KIF27: variants seen among roughly 807,000 people sequenced by gnomAD.
KIF27 encodes the protein kinesin-like protein KIF27.
Under a neutral mutation model 141.8 loss-of-function variants are expected in KIF27, and 84 were observed. The ratio of observed to expected loss-of-function variants is 0.59; its 90% CI spans 0.50 to 0.71. The LOEUF is 0.71. KIF27 is among the 30% of genes least tolerant of loss of function. KIF27 has a pLI of 0.00. For synonymous variants in KIF27, 471 were observed against 569.5 expected (o/e 0.83, Z 2.46); for missense variants, 1,306 against 1,628.4 (o/e 0.80, Z 3.41).
chr9:83,902,709 G>C (rs1279144691), intron 4 of KIF27, among the ~76,000 whole-genome samples: 1 of 151,666 alleles, frequency 6.6e-6, no homozygotes. Flanking sequence ...TTGACAACCA[G>C]GTCCACAAAG....
At chr9:83,896,071 A>AAAAAC (rs1257498323) in intron 5 of KIF27, among the ~76,000 whole-genome samples, 2 of 142,812 alleles carry the variant, frequency 1.4e-5, no homozygotes, top group African/African-American at 5.3e-5. Context: ...AAAAAAAAAA[A>AAAAAC]AAAACAAAAC....
At chr9:83,885,857 A>G (rs889598955) in intron 9 of KIF27, among the ~76,000 whole-genome samples, 3 of 152,020 alleles carry the variant, frequency 2.0e-5, no homozygotes, top group African/African-American at 7.2e-5. Flanking sequence ...AATATAGTAT[A>G]GATGTCCTGT....
Position 83,889,239 on chromosome 9 carries a change from C to T in KIF27, c.1824G>A (p.Pro608=), listed in dbSNP as rs765108409. Residue 608 remains proline (P), a synonymous_variant, in exon 7 of 18, where the codon CCG becomes CCA. Transcript: ENST00000297814. The part of the protein sequence containing the change: ...RQDSRKVHTS[P]PMYSLDRIFA... ...ATATTCGATCCAGAGAGTACATAGG[C>T]GGACTTGTGTGGACCTTGCAAGTGA... is the stretch of plus-strand genomic sequence containing the variant. 2.4e-5 allele frequency: 38 copies of T among 1,610,144 alleles called. No homozygotes were observed. The highest frequency in any genetic ancestry group is 2.2e-4 in the Admixed American group (13 of 59,726).
Position 83,903,713 on chromosome 9 carries a change from T to C in KIF27, c.805A>G (p.Ser269Gly). The change falls in exon 4 of 18, where the codon AGT becomes GGT. Residue 269 changes from serine to glycine, a missense_variant. Coordinates refer to ENST00000297814, the MANE Select transcript of KIF27 (RefSeq NM_017576.4). Reference protein sequence around the residue: ...ERFKESIQINSGLLALGNVIS... With the variant: ...ERFKESIQINGGLLALGNVIS... Reference sequence around the variant, plus strand: ...ACATTTCCTAAAGCCAGCAATCCACTATTGATTTGAATGGATTCTTTGAAC... The same window carrying C: ...ACATTTCCTAAAGCCAGCAATCCACCATTGATTTGAATGGATTCTTTGAAC... 1.2e-6 allele frequency: 2 copies of C among 1,614,184 alleles called. No individual in the cohort carries two copies. The highest frequency in any genetic ancestry group is 1.7e-6 in the Non-Finnish European group (2 of 1,180,032).
chr9:83,903,556 G>A lies in KIF27; in HGVS notation c.962C>T (p.Ser321Phe), dbSNP rs116477156. The change falls in exon 4 of 18, where the codon TCC becomes TTC. Residue 321 changes from serine to phenylalanine, a missense_variant. By Grantham distance (155) the Ser-to-Phe change is radical. This residue lies in a region of KIF27 where 533 missense variants were observed against 565.6 expected (regional missense o/e 0.94). Transcript: ENST00000297814. ...KTVMITCVSP[S>F]SSNFDESLNS... ...TAAGGACTCATCAAAATTCGAGGAG[G>A]AGGGGCTGACACATGTGATCATGAC... 1,700 of 1,614,180 alleles carry A rather than the reference G, an allele frequency of 1.1e-3. 23 individuals are homozygous for A. The African/African-American group carries it at 0.02, about 19-fold the overall frequency.
rs1185384059 is a variant in KIF27, at chr9:83,836,494, G to A, written c.*507C>T. 6.6e-6 allele frequency among the ~76,000 whole-genome samples: 1 copy of A among 152,078 alleles called. No homozygotes were observed. The highest frequency in any genetic ancestry group is 2.4e-5 in the African/African-American group (1 of 41,394). On this transcript the variant is annotated 3_prime_UTR_variant, in exon 18 of 18. Transcript: ENST00000297814. ...ACCGTTTCTGTGAGTTCTGAGGACTGTAAATGAGCCTCAATCCATAAAGCT... is the reference window on the plus strand; with the variant it reads ...ACCGTTTCTGTGAGTTCTGAGGACTATAAATGAGCCTCAATCCATAAAGCT...
chr9:83,920,970 T>C (rs1257029648), intron 1 of KIF27, among the ~76,000 whole-genome samples: 2 of 152,028 alleles, frequency 1.3e-5, no homozygotes, highest in African/African-American at 2.4e-5. Flanking sequence ...TCGGTGGTGG[T>C]GGCCCTCGCG....
At chr9:83,852,887 G>A (rs1228725896) in intron 15 of KIF27, among the ~76,000 whole-genome samples, 1 of 152,172 alleles carries the variant, frequency 6.6e-6, no homozygotes, top group Non-Finnish European at 1.5e-5. Context: ...TTACAGGCAT[G>A]AGCCACTGCA....
intron 16 of KIF27, among the ~76,000 whole-genome samples, chr9:83,848,100 A>ATGATATATCATATCTGATATATC (rs1564283550): frequency 2.4e-5 from 1 of 42,508 alleles, no homozygotes; most frequent in African/African-American, 1.8e-4. Flanking sequence ...TATGATATAT[A>ATGATATATCATATCTGATATATC]TGATATCTCA....
Position 83,891,350 on chromosome 9 carries a change from A to G in KIF27, c.1754T>C (p.Phe585Ser), listed in dbSNP as rs749034071. The G allele has an allele frequency of 1.2e-6, 2 of 1,613,720 alleles. No homozygotes were observed. The highest frequency in any genetic ancestry group is 2.2e-5 in the East Asian group (1 of 44,848). ...IPERRPYTVPFDTHLGHYIYI... is the reference protein window; with the variant it reads ...IPERRPYTVPSDTHLGHYIYI... ...AATATAATGCCCCAAATGAGTATCA[A>G]ATGGTACAGTATATGGTCTCCTTTC... The change falls in exon 6 of 18, where the codon TTT (phenylalanine) becomes TCT (serine). Residue 585 changes from phenylalanine to serine, a missense_variant. Phe to Ser is a radical substitution (Grantham distance 155). Coordinates refer to ENST00000297814, the MANE Select transcript of KIF27 (RefSeq NM_017576.4).
At chr9:83,910,366 T>C (rs905248125) in intron 2 of KIF27, among the ~76,000 whole-genome samples, 2 of 152,224 alleles carry the variant, frequency 1.3e-5, no homozygotes, top group African/African-American at 4.8e-5. Context: ...TGCACTAAAA[T>C]ATCTTTCTCT....
chr9:83,920,828 C>T (rs1588370366), intron 1 of KIF27, among the ~76,000 whole-genome samples: 1 of 151,836 alleles, frequency 6.6e-6, no homozygotes, highest in Admixed American at 6.6e-5. Context: ...TCAACCTCTA[C>T]GGTAGGAAAT....
At chr9:83,845,365 C>T (rs549963227) in intron 16 of KIF27, among the ~76,000 whole-genome samples, 2 of 152,238 alleles carry the variant, frequency 1.3e-5, no homozygotes, top group African/African-American at 2.4e-5. Flanking sequence ...AGCAGCATTC[C>T]ATCATCAAAT....
intron 2 of KIF27, among the ~76,000 whole-genome samples, chr9:83,909,611 C>CAAA (rs535947964): frequency 0.013 from 914 of 70,448 alleles, 10 homozygotes; most frequent in African/African-American, 0.044. Flanking sequence ...GAAACTGTCT[C>CAAA]AAAAAAAAAA....
Position 83,873,549 on chromosome 9 carries a change from T to G in KIF27, c.2644-2917A>C, listed in dbSNP as rs1432918716. 4.6e-5 allele frequency among the ~76,000 whole-genome samples: 7 copies of G among 152,110 alleles called. No homozygotes were observed. The East Asian group carries it at 1.3e-3, about 29-fold the overall frequency. On this transcript the variant is annotated intron_variant, in intron 11 of 17. Coordinates refer to ENST00000297814, the MANE Select transcript of KIF27 (RefSeq NM_017576.4). ...AAGAAGACAGGTGCTATAGACTAAA[T>G]AAAGAAAAATGTTACACCCATCTGA...
chr9:83,861,590 T>C (rs1469272042), intron 13 of KIF27, among the ~76,000 whole-genome samples: 4 of 152,158 alleles, frequency 2.6e-5, no homozygotes, highest in African/African-American at 4.8e-5. Context: ...TGTTGGACAT[T>C]TGGGTTGGTT....
intron 17 of KIF27, among the ~76,000 whole-genome samples, chr9:83,838,422 A>T (rs1180910477): frequency 6.6e-6 from 1 of 152,070 alleles, no homozygotes; most frequent in Non-Finnish European, 1.5e-5. Context: ...TTTAGTAGAG[A>T]TGGGGTTTCA....
chr9:83,861,549 T>C (rs1302357085), intron 13 of KIF27, among the ~76,000 whole-genome samples: 2 of 152,228 alleles, frequency 1.3e-5, no homozygotes, highest in Admixed American at 6.5e-5. Context: ...ACGGTGTGTA[T>C]GTGCCACATT....
Position 83,842,416 on chromosome 9 carries a change from T to C in KIF27, c.3557-15A>G. The stretch of plus-strand genomic sequence containing the variant: ...TCCATCTTGTTCTATACAACAAAAA[T>C]TTGCATTTAAAATCAGTTTTAAATA... On this transcript the variant is annotated splice_polypyrimidine_tract_variant and intron_variant, in intron 16 of 17. Transcript: ENST00000297814. The C allele has an allele frequency of 6.8e-7, 1 of 1,477,318 alleles. No individual in the cohort carries two copies. The allele number at this position is 1,477,318 out of a possible 1,614,324, so 91.5% of individuals were successfully genotyped here. A position where few individuals can be genotyped will look rare whatever the true frequency, so the allele number is the denominator to read the frequency against.
Sources: gnomAD v4.1 joint callset for allele counts (sites outside exome capture counted in the v4.1 genomes callset) on GRCh38, gnomAD v4.1.1 for gene constraint, gnomAD v4.1.1 regional missense constraint, MANE v1.5 for transcripts, NCBI Gene and HGNC (gene_info 2026-07-23, HGNC 2026-07-21) for gene names.